The following BNC2 variants were observed in gnomAD, a reference collection of about 807,000 sequenced individuals.
BNC2 encodes zinc finger protein basonuclin-2.
BNC2 carries 20 observed loss-of-function variants against 76.3 expected under a neutral mutation model. That is an observed-to-expected ratio of 0.26 (90% CI 0.18 to 0.38). The LOEUF is 0.38. Ranked by LOEUF, BNC2 falls within the 10% of genes least tolerant of loss-of-function variation. BNC2 has a pLI of 1.00. For synonymous variants in BNC2, 582 were observed against 514.8 expected, an observed-to-expected ratio of 1.13 and a Z score of -1.77; for missense variants, 1,382 against 1,399.8, an observed-to-expected ratio of 0.99 and a Z score of 0.20.
intron 1 of BNC2, among the ~76,000 whole-genome samples, chr9:16,862,405 G>A (rs1471156080): frequency 6.6e-6 from 1 of 152,166 alleles, no homozygotes; most frequent in African/African-American, 2.4e-5. Context: ...AATATGAAAT[G>A]TACCATTTGG....
intron 3 of BNC2, among the ~76,000 whole-genome samples, chr9:16,677,613 A>G (rs1003463481): frequency 6.6e-6 from 1 of 151,844 alleles, no homozygotes; most frequent in Non-Finnish European, 1.5e-5. Context: ...ACACAGTAGC[A>G]ATATCCTGAC....
intron 1 of BNC2, among the ~76,000 whole-genome samples, chr9:16,864,524 TCTG>T (rs1819492877): frequency 6.6e-6 from 1 of 152,138 alleles, no homozygotes; most frequent in Non-Finnish European, 1.5e-5. Flanking sequence ...AACCCTCAAC[TCTG>T]TCTATCTCCT....
At chr9:16,527,551 G>T (rs1817843587) in intron 5 of BNC2, among the ~76,000 whole-genome samples, 1 of 152,144 alleles carries the variant, frequency 6.6e-6, no homozygotes, top group African/African-American at 2.4e-5. Flanking sequence ...GGTGACTGAG[G>T]AGCTGAAAGA....
In BNC2 at chr9:16,435,914, A is replaced by G. The variant is rs746110951; in HGVS notation, c.2280T>C (p.Asp760=). 3.1e-6 allele frequency: 5 copies of G among 1,613,958 alleles called. No homozygotes were observed. The South Asian group carries it at 3.3e-5, about 11-fold the overall frequency. ...GGTGAGAGGGCTCACTGTGGTTCTC[A>G]TCAGGCCTCTCACTATTCATCAGGA... ...EKVLMNSERP[D]ENHSEPSHQD... The change falls in exon 6 of 7, where the codon GAT becomes GAC. Residue 760 remains aspartate, a synonymous_variant. Transcript: ENST00000380672.
chr9:16,824,768 G>A (rs1477238616), intron 1 of BNC2, among the ~76,000 whole-genome samples: 1 of 152,162 alleles, frequency 6.6e-6, no homozygotes, highest in Non-Finnish European at 1.5e-5. Context: ...GTTGCCAAGG[G>A]AAGCCAAACT....
rs1378037080 is a variant in BNC2 at position 16,658,368 on chromosome 9, T to C, written c.330+69429A>G. On this transcript the variant is annotated intron_variant, in intron 3 of 6. Coordinates refer to ENST00000380672, the MANE Select transcript of BNC2 (RefSeq NM_017637.6). Reference sequence around the variant, plus strand: ...GAAAACAAAACTTTAAACAGCCCAGTATATTTTAGTCAATGTTCCTAAATG... The same window carrying C: ...GAAAACAAAACTTTAAACAGCCCAGCATATTTTAGTCAATGTTCCTAAATG... 3.3e-5 allele frequency among the ~76,000 whole-genome samples: 5 copies of C among 152,250 alleles called. No individual in the cohort carries two copies. In the East Asian group the frequency reaches 9.6e-4, roughly 29 times the overall value.
intron 5 of BNC2, among the ~76,000 whole-genome samples, chr9:16,460,109 A>C (rs1289863670): frequency 1.3e-5 from 2 of 152,190 alleles, no homozygotes; most frequent in Non-Finnish European, 2.9e-5. Context: ...TTATCAAAGT[A>C]CCAACTTTAA....
rs1353218315 is a variant in BNC2, at chr9:16,626,893, G to A, written c.331-43808C>T. Among the ~76,000 whole-genome samples the A allele has an allele frequency of 3.3e-5, 5 of 152,068 alleles. No individual in the cohort carries two copies. The South Asian group carries it at 6.2e-4, about 19-fold the overall frequency. On this transcript the variant is annotated intron_variant, in intron 3 of 6. Transcript: ENST00000380672. Reference sequence around the variant, plus strand: ...AGCAGGGCTTTTAATAAAGCAGCACGTTTGCACACTCACAGCCCTGTTAAT... The same window carrying A: ...AGCAGGGCTTTTAATAAAGCAGCACATTTGCACACTCACAGCCCTGTTAAT...
chr9:16,728,268 C>CA, intron 2 of BNC2: 2 of 525,008 alleles, frequency 3.8e-6, no homozygotes, highest in Non-Finnish European at 6.9e-6. Context: ...TTCAAACTCT[C>CA]AGCCACTGCA....
intron 5 of BNC2, among the ~76,000 whole-genome samples, chr9:16,461,642 G>A (rs1821584791): frequency 6.6e-6 from 1 of 151,986 alleles, no homozygotes; most frequent in Admixed American, 6.6e-5. Flanking sequence ...GGTATCACAG[G>A]TGCAACTCCC....
At chr9:16,643,038 G>A (rs1220328586) in intron 3 of BNC2, among the ~76,000 whole-genome samples, 1 of 152,108 alleles carries the variant, frequency 6.6e-6, no homozygotes, top group East Asian at 1.9e-4. Flanking sequence ...AACAGTAAGT[G>A]CTCCCTAAAC....
intron 5 of BNC2, among the ~76,000 whole-genome samples, chr9:16,490,880 G>T (rs987330660): frequency 2.0e-5 from 3 of 152,300 alleles, no homozygotes; most frequent in African/African-American, 7.2e-5. Context: ...TAATCTCTAG[G>T]TGCTCAAAGG....
At chr9:16,692,090 C>A (rs534207613) in intron 3 of BNC2, among the ~76,000 whole-genome samples, 1 of 152,068 alleles carries the variant, frequency 6.6e-6, no homozygotes, top group Non-Finnish European at 1.5e-5. Context: ...GGATTACAGG[C>A]GTGAGCCACT....
intron 1 of BNC2, among the ~76,000 whole-genome samples, chr9:16,764,059 G>A (rs571573975): frequency 6.6e-6 from 1 of 152,250 alleles, no homozygotes; most frequent in East Asian, 1.9e-4. Context: ...AGCTGGGATT[G>A]GTTCCTAATA....
rs1024855187 is a variant in BNC2 at position 16,502,555 on chromosome 9, C to G, written c.669+49975G>C. Among the ~76,000 whole-genome samples the G allele has an allele frequency of 4.0e-5, 6 of 149,720 alleles. No homozygotes were observed. In the East Asian group the frequency reaches 5.8e-4, roughly 15 times the overall value. ...CACTGTTTTGTTTTGTCTTTTTTCCCCCCCTCTTACTTCTTCTTGGGGTGA... is the reference window on the plus strand; with the variant it reads ...CACTGTTTTGTTTTGTCTTTTTTCCGCCCCTCTTACTTCTTCTTGGGGTGA... On this transcript the variant is annotated intron_variant, in intron 5 of 6. Coordinates refer to ENST00000380672, the MANE Select transcript of BNC2 (RefSeq NM_017637.6).
chr9:16,637,422 A>G (rs1210046126), intron 3 of BNC2, among the ~76,000 whole-genome samples: 2 of 152,208 alleles, frequency 1.3e-5, no homozygotes, highest in Non-Finnish European at 2.9e-5. Flanking sequence ...CATCAAAGCC[A>G]TCTATCCAGA....
intron 1 of BNC2, among the ~76,000 whole-genome samples, chr9:16,838,322 A>G (rs1430196079): frequency 6.6e-6 from 1 of 152,230 alleles, no homozygotes; most frequent in Non-Finnish European, 1.5e-5. Context: ...TGGGAGGCCA[A>G]GGCGGGCGGA....
At position 16,627,803 on chromosome 9, in the gene BNC2, G is replaced by A. The variant is rs1821041247; in HGVS notation, c.331-44718C>T. On this transcript the variant is annotated intron_variant, in intron 3 of 6. Transcript: ENST00000380672. ...GCAAATTAATGTCTTTTACTTGCAT[G>A]ACTTCCCTTCATATTATAATTTGGG... Among the ~76,000 whole-genome samples the A allele has an allele frequency of 2.0e-5, 3 of 152,240 alleles. No homozygotes were observed. In the South Asian group the frequency reaches 6.2e-4, roughly 32 times the overall value.
intron 1 of BNC2, among the ~76,000 whole-genome samples, chr9:16,805,335 T>G (rs138893483): frequency 6.6e-6 from 1 of 150,496 alleles, no homozygotes; most frequent in Non-Finnish European, 1.5e-5. Context: ...TTTTTGTTGG[T>G]TTTTTTTTGA....
Sources: allele counts gnomAD v4.1 joint callset (sites outside exome capture counted in the v4.1 genomes callset), GRCh38; gene constraint gnomAD v4.1.1; transcripts MANE v1.5; gene names NCBI Gene and HGNC (gene_info 2026-07-23, HGNC 2026-07-21).